The following ZZEF1 variants were observed in gnomAD, a reference collection of about 807,000 sequenced individuals.
ZZEF1 encodes zinc finger ZZ-type and EF-hand domain containing 1, also known as zinc finger ZZ-type and EF-hand domain-containing protein 1.
ZZEF1 carries 157 observed loss-of-function variants against 342.8 expected under a neutral mutation model. The observed-to-expected ratio is 0.46, with a 90% CI of 0.40 to 0.52. ZZEF1 has a LOEUF of 0.52. Among genes scored for constraint, ZZEF1 ranks in the 20% least tolerant of loss-of-function variants. The probability of loss-of-function intolerance (pLI) is 0.00; values close to 1 mark genes in which losing one functional copy is unlikely to be tolerated. For missense variants in ZZEF1, 3,480 were observed against 3,725.6 expected (o/e 0.93, Z 1.72); for synonymous variants, 1,505 against 1,429.1 (o/e 1.05, Z -1.20).
At chr17:4,085,910 C>T in intron 15 of ZZEF1, 107 bp from the exon 16 acceptor site, 3 of 1,397,892 alleles carry the variant, frequency 2.1e-6, no homozygotes, top group Non-Finnish European at 2.9e-6. Context: ...GTACTTAATA[C>T]CAGAGTGAAG....
In ZZEF1 at chr17:4,056,232, G is replaced by T; in HGVS notation, c.5279C>A (p.Pro1760Gln). The change falls in exon 33 of 55, where the codon CCA (proline) becomes CAA (glutamine). Residue 1760 changes from proline (P) to glutamine (Q), a missense_variant. Pro to Gln is a moderately conservative substitution (Grantham distance 76, BLOSUM62 -1). Coordinates refer to ENST00000381638, the MANE Select transcript of ZZEF1 (RefSeq NM_015113.4). ...AWYEKIAQED[P>Q]EKQRKMHMFI... is the part of the protein sequence containing the mutation. ...AGGTCTTACTTTCCTCTGCTTCTCT[G>T]GATCTTCCTGGGCTATTTTTTCATA... 1 of 1,588,278 alleles carries T rather than the reference G, an allele frequency of 6.3e-7. No individual in the cohort carries two copies. Among genetic ancestry groups the T allele is most frequent in the South Asian group, 1.2e-5 (1 of 85,214 alleles).
Position 4,032,949 on chromosome 17 carries a change from T to A in ZZEF1, c.6638A>T (p.Asn2213Ile). 1.2e-6 allele frequency: 2 copies of A among 1,608,990 alleles called. No individual in the cohort carries two copies. Among genetic ancestry groups the A allele is most frequent in the Admixed American group, 1.7e-5 (1 of 59,026 alleles). ...CSMAEILRSL[N>I]SAPLWRDVIA... ...GACATCACGCCACAGTGGGGCACTGTTGAGTGACCGCAGGATCTCTGCCAT... is the reference window on the plus strand; with the variant it reads ...GACATCACGCCACAGTGGGGCACTGATGAGTGACCGCAGGATCTCTGCCAT... The change falls in exon 41 of 55, where the codon AAC (asparagine) becomes ATC (isoleucine). Residue 2213 changes from asparagine to isoleucine, a missense_variant. Around this residue, in one of 5 missense-constraint regions of ZZEF1, gnomAD observed 1,269 missense variants for 1,342.4 expected, o/e 0.95. Coordinates refer to ENST00000381638, the MANE Select transcript of ZZEF1 (RefSeq NM_015113.4).
chr17:4,078,661 G>A (rs1249358600), intron 18 of ZZEF1, among the ~76,000 whole-genome samples: 2 of 152,218 alleles, frequency 1.3e-5, no homozygotes, highest in African/African-American at 4.8e-5. Flanking sequence ...GAGGGAAATG[G>A]ACTCAAAGAT....
Position 4,056,329 on chromosome 17 carries a change from C to A in ZZEF1, c.5182G>T (p.Asp1728Tyr), listed in dbSNP as rs2145190508. 1 of 1,596,558 alleles carries A rather than the reference C, an allele frequency of 6.3e-7. No individual in the cohort carries two copies. Among genetic ancestry groups the A allele is most frequent in the Admixed American group, 1.7e-5 (1 of 57,456 alleles). Residue 1728 changes from aspartate to tyrosine, a missense_variant, in exon 33 of 55, where the codon GAT becomes TAT. By Grantham distance (160) the Asp-to-Tyr change is radical. This residue lies in a region of ZZEF1 where 175 missense variants were observed against 254.6 expected (regional missense o/e 0.69). Transcript: ENST00000381638. Reference protein sequence around the residue: ...DSVISQWSEEDELADAKQNSE... With the variant: ...DSVISQWSEEYELADAKQNSE... ...TTCTGCTTGGCATCAGCAAGCTCAT[C>A]TTCTTCACTCCATTGGCTGAAAGAA...
intron 52 of ZZEF1, 65 bp downstream of exon 52, chr17:4,013,384 A>C: frequency 7.0e-7 from 1 of 1,427,434 alleles, no homozygotes; most frequent in South Asian, 1.5e-5. Flanking sequence ...ACAGCAAGAA[A>C]GGGCCAGCCA....
At chr17:4,083,388 T>A (rs1279821602) in intron 16 of ZZEF1, among the ~76,000 whole-genome samples, 1 of 152,242 alleles carries the variant, frequency 6.6e-6, no homozygotes, top group Non-Finnish European at 1.5e-5. Flanking sequence ...TCAGGTCAGC[T>A]GATGCTGTCA....
intron 25 of ZZEF1, among the ~76,000 whole-genome samples, chr17:4,071,165 T>C (rs1387057428): frequency 6.6e-6 from 1 of 152,180 alleles, no homozygotes; most frequent in African/African-American, 2.4e-5. Context: ...GCCAAATGCC[T>C]AGAAGGGATA....
chr17:4,045,922 G>C (rs1406146037), intron 37 of ZZEF1, among the ~76,000 whole-genome samples: 2 of 151,652 alleles, frequency 1.3e-5, no homozygotes, highest in Admixed American at 1.3e-4. Flanking sequence ...CCGCCTCCCA[G>C]GTTCAAGTGA....
chr17:4,073,829 C>G (rs1446575739), intron 24 of ZZEF1, among the ~76,000 whole-genome samples: 1 of 152,036 alleles, frequency 6.6e-6, no homozygotes, highest in Non-Finnish European at 1.5e-5. Context: ...ATGCAATCAA[C>G]TTATTCTATA....
At chr17:4,013,375 C>G in intron 52 of ZZEF1, 74 bp downstream of exon 52, 4 of 1,393,132 alleles carry the variant, frequency 2.9e-6, no homozygotes, top group Non-Finnish European at 3.8e-6. Flanking sequence ...TCACCACTAA[C>G]AGCAAGAAAG....
chr17:4,051,722 T>C (rs2057050424), intron 35 of ZZEF1, among the ~76,000 whole-genome samples: 1 of 150,988 alleles, frequency 6.6e-6, no homozygotes, highest in Non-Finnish European at 1.5e-5. Context: ...GGTCCTGGAA[T>C]TGGCTTTAAA....
intron 43 of ZZEF1, among the ~76,000 whole-genome samples, chr17:4,023,298 G>A (rs985418455): frequency 2.0e-5 from 3 of 152,128 alleles, no homozygotes; most frequent in Non-Finnish European, 4.4e-5. Context: ...CAGGCCCCCT[G>A]TTGTCTCTCT....
intron 16 of ZZEF1, among the ~76,000 whole-genome samples, chr17:4,084,976 G>T (rs924488775): frequency 6.4e-4 from 97 of 152,268 alleles, no homozygotes; most frequent in Non-Finnish European, 8.8e-5. Flanking sequence ...GCCAGGCGTG[G>T]TGGCATGCAC....
In ZZEF1 at chr17:4,032,273, A is replaced by G. The variant is rs1217480284; in HGVS notation, c.6760-15T>C. 4 of 1,604,382 alleles carry G rather than the reference A, an allele frequency of 2.5e-6. No individual in the cohort carries two copies. The African/African-American group carries it at 5.4e-5, about 22-fold the overall frequency. On this transcript the variant is annotated splice_polypyrimidine_tract_variant and intron_variant, in intron 41 of 54. Coordinates refer to ENST00000381638, the MANE Select transcript of ZZEF1 (RefSeq NM_015113.4). ...ACACAGAGGACCTAGAACGTGGTAGACAGAGACAGAAAGGCAACTCAAACA... is the reference window on the plus strand; with the variant it reads ...ACACAGAGGACCTAGAACGTGGTAGGCAGAGACAGAAAGGCAACTCAAACA...
Position 4,072,619 on chromosome 17 carries a change from T to C in ZZEF1, c.3823A>G (p.Asn1275Asp). Residue 1275 changes from asparagine to aspartate, a missense_variant, in exon 25 of 55, where the codon AAT becomes GAT. By Grantham distance (23) the Asn-to-Asp change is conservative. This residue lies in a region of ZZEF1 where 1,528 missense variants were observed against 1,624.1 expected (regional missense o/e 0.94). Coordinates refer to ENST00000381638, the MANE Select transcript of ZZEF1 (RefSeq NM_015113.4). ...EASWPTHPHR[N>D]SKEVKNIPDD... Reference sequence around the variant, plus strand: ...GGAAGAGTAAATACCTCCTTACTATTCCGGTGTGGGTGAGTGGGCCAGCTT... The same window carrying C: ...GGAAGAGTAAATACCTCCTTACTATCCCGGTGTGGGTGAGTGGGCCAGCTT... The C allele has an allele frequency of 6.2e-7, 1 of 1,611,656 alleles. No homozygotes were observed. Among genetic ancestry groups the C allele is most frequent in the South Asian group, 1.1e-5 (1 of 90,482 alleles).
rs2145204442 is a variant in ZZEF1 at position 4,059,063 on chromosome 17, A to G, written c.5003+108T>C. ...GGTGGTAACATTAGAGGTTATTTTTATTTTATTCTTTGTGCTTTTTGGTAT... is the reference window on the plus strand; with the variant it reads ...GGTGGTAACATTAGAGGTTATTTTTGTTTTATTCTTTGTGCTTTTTGGTAT... On this transcript the variant is annotated intron_variant, in intron 31 of 54. Transcript: ENST00000381638. 3.1e-6 allele frequency: 3 copies of G among 974,098 alleles called. No individual in the cohort carries two copies. The East Asian group carries it at 8.6e-5, about 28-fold the overall frequency. 60.3% of individuals were successfully genotyped at this position (974,098 alleles called of 1,614,324 possible). A position where few individuals can be genotyped will look rare whatever the true frequency, so the allele number is the denominator to read the frequency against.
At chr17:4,096,078 G>A (rs187802079) in intron 10 of ZZEF1, 99 bp from the exon 11 acceptor site, 766 of 1,286,862 alleles carry the variant, frequency 6.0e-4, no homozygotes, top group South Asian at 7.2e-4. Context: ...AAAACAAAAC[G>A]AGACCAATGA....
chr17:4,109,308 A>T (rs2058258678), intron 6 of ZZEF1, among the ~76,000 whole-genome samples: 1 of 152,198 alleles, frequency 6.6e-6, no homozygotes, highest in African/African-American at 2.4e-5. Flanking sequence ...ATCCTATAGA[A>T]ACATGAGCAA....
At chr17:4,140,436 T>C (rs1161935484) in intron 1 of ZZEF1, among the ~76,000 whole-genome samples, 1 of 152,196 alleles carries the variant, frequency 6.6e-6, no homozygotes, top group Non-Finnish European at 1.5e-5. Flanking sequence ...TGCTATTTAT[T>C]CCTTATACCT....
Sources: allele counts gnomAD v4.1 joint callset (sites outside exome capture counted in the v4.1 genomes callset), GRCh38; gene constraint gnomAD v4.1.1; regional missense constraint gnomAD v4.1.1; transcripts MANE v1.5; gene names NCBI Gene and HGNC (gene_info 2026-07-23, HGNC 2026-07-21).